MYZAP: variants seen among roughly 807,000 people sequenced by gnomAD.
The protein encoded by MYZAP is myocardial zonula adherens protein.
In MYZAP, 66 loss-of-function variants were observed where a neutral mutation model predicts 69.4. The ratio of observed to expected loss-of-function variants is 0.95; its 90% CI spans 0.78 to 1.17. The LOEUF is 1.17. MYZAP is among the 50% of genes most tolerant of loss of function. The probability of loss-of-function intolerance (pLI) is 0.00; values close to 1 mark genes in which losing one functional copy is unlikely to be tolerated. For synonymous variants in MYZAP, 256 were observed against 205.9 expected, an observed-to-expected ratio of 1.24 and a Z score of -2.09; for missense variants, 611 against 556.2, an observed-to-expected ratio of 1.10 and a Z score of -0.99.
rs114408606 is a variant in MYZAP, at chr15:57,632,579, C to T, written c.804+20C>T. On this transcript the variant is annotated intron_variant, in intron 7 of 12. Coordinates refer to ENST00000267853, the MANE Select transcript of MYZAP (RefSeq NM_001018100.5). ...CTTTTGGTGTGTGTGTTGTAGCTGC[C>T]GATGTAAACTTACCGGGAATTGTTG... The T allele has an allele frequency of 7.2e-4, 1,155 of 1,612,380 alleles. 9 individuals are homozygous for T. In the African/African-American group the frequency reaches 0.012, roughly 17 times the overall value.
Position 57,672,352 on chromosome 15 carries a change from C to T in MYZAP, c.1204-2616C>T, listed in dbSNP as rs181852842. 2.4e-3 allele frequency among the ~76,000 whole-genome samples: 367 copies of T among 152,320 alleles called. 7 individuals are homozygous for T. The highest frequency in any genetic ancestry group is 8.4e-3 in the African/African-American group (351 of 41,572). On this transcript the variant is annotated intron_variant, in intron 11 of 12. Coordinates refer to ENST00000267853, the MANE Select transcript of MYZAP (RefSeq NM_001018100.5). ...CAGCAAAAAGAAAAATAATAAAACACGGAGAATATAGAGAACTGCTTGCCA... is the reference window on the plus strand; with the variant it reads ...CAGCAAAAAGAAAAATAATAAAACATGGAGAATATAGAGAACTGCTTGCCA...
intron 11 of MYZAP, among the ~76,000 whole-genome samples, chr15:57,670,069 G>GA (rs1483880899): frequency 1.3e-5 from 2 of 151,966 alleles, no homozygotes; most frequent in African/African-American, 2.4e-5. Context: ...AAATTTTTGT[G>GA]AAAAAATATA....
chr15:57,609,877 T>G (rs2140353073), intron 2 of MYZAP, among the ~76,000 whole-genome samples: 1 of 152,326 alleles, frequency 6.6e-6, no homozygotes, highest in East Asian at 1.9e-4. Context: ...TTCAAAGAAC[T>G]CTCTGAATTT....
Position 57,621,640 on chromosome 15 carries a change from A to C in MYZAP, c.351A>C (p.Arg117=), listed in dbSNP as rs998772664. The change falls in exon 4 of 13, where the codon CGA becomes CGC. Residue 117 remains arginine (R), a synonymous_variant. Transcript: ENST00000267853. ...VRATLEKVRK[R]MYGDYDEMRQ... is the part of the protein sequence containing the mutation. ...CCACTTTGGAAAAGGTGAGAAAGCGAATGTATGGAGACTATGATGAGATGA... is the reference window on the plus strand; with the variant it reads ...CCACTTTGGAAAAGGTGAGAAAGCGCATGTATGGAGACTATGATGAGATGA... 3 of 1,613,924 alleles carry C rather than the reference A, an allele frequency of 1.9e-6. No individual in the cohort carries two copies. Among genetic ancestry groups the C allele is most frequent in the Admixed American group, 1.7e-5 (1 of 60,004 alleles).
intron 1 of MYZAP, among the ~76,000 whole-genome samples, chr15:57,593,613 ATATT>A (rs2033866909): frequency 6.6e-6 from 1 of 152,218 alleles, no homozygotes; most frequent in African/African-American, 2.4e-5. Flanking sequence ...TTCCTTTGGA[ATATT>A]TATTTAATTA....
chr15:57,670,013 T>C (rs1003707239), intron 11 of MYZAP, among the ~76,000 whole-genome samples: 3 of 152,166 alleles, frequency 2.0e-5, no homozygotes, highest in African/African-American at 7.2e-5. Context: ...GTTTTAACTT[T>C]TAATTTATTG....
chr15:57,679,882 G>A (rs1391548904), intron 12 of MYZAP, among the ~76,000 whole-genome samples: 3 of 152,152 alleles, frequency 2.0e-5, no homozygotes, highest in African/African-American at 2.4e-5. Context: ...CATACTTGCC[G>A]TTTCATGGCC....
At chr15:57,595,762 A>G (rs1343676318) in intron 1 of MYZAP, among the ~76,000 whole-genome samples, 1 of 152,278 alleles carries the variant, frequency 6.6e-6, no homozygotes, top group East Asian at 1.9e-4. Flanking sequence ...TGGCACAGAG[A>G]AAAAACAAAA....
At chr15:57,666,391 CTTCT>C (rs1409162276) in intron 11 of MYZAP, among the ~76,000 whole-genome samples, 1 of 152,160 alleles carries the variant, frequency 6.6e-6, no homozygotes, top group East Asian at 1.9e-4. Context: ...TAGAACCCTT[CTTCT>C]TTTCTTTTAA....
rs142243274 is a variant in MYZAP at position 57,666,625 on chromosome 15, AG to A, written c.1203+5096del. Reference sequence around the variant, plus strand: ...TGATGAGTGAGAACATGCGGTGTTCAGGGGACATAAACATGGGAACGATAAA... The same window carrying A: ...TGATGAGTGAGAACATGCGGTGTTCAGGGACATAAACATGGGAACGATAAA... On this transcript the variant is annotated intron_variant, in intron 11 of 12. Coordinates refer to ENST00000267853, the MANE Select transcript of MYZAP (RefSeq NM_001018100.5). Among the ~76,000 whole-genome samples the A allele has an allele frequency of 2.1e-3, 313 of 152,256 alleles. 1 individual carries two copies. Among genetic ancestry groups the A allele is most frequent in the African/African-American group, 7.3e-3 (302 of 41,548 alleles).
intron 1 of MYZAP, among the ~76,000 whole-genome samples, chr15:57,600,244 G>A (rs182021910): frequency 6.6e-6 from 1 of 152,260 alleles, no homozygotes; most frequent in African/African-American, 2.4e-5. Flanking sequence ...GTCCATCAGT[G>A]GGTCAGTGTT....
At chr15:57,593,190 A>ATGCGCGCGCGCGCGCGCGTGCG (rs376306761) in intron 1 of MYZAP, among the ~76,000 whole-genome samples, 1 of 108,256 alleles carries the variant, frequency 9.2e-6, no homozygotes, top group Non-Finnish European at 1.9e-5. Context: ...ACACAGGCGC[A>ATGCGCGCGCGCGCGCGCGTGCG]CACACACACA....
chr15:57,649,891 A>T (rs559319664), intron 10 of MYZAP, among the ~76,000 whole-genome samples: 1 of 152,178 alleles, frequency 6.6e-6, no homozygotes, highest in South Asian at 2.1e-4. Flanking sequence ...CATGCACTTT[A>T]TTTATCTGTT....
chr15:57,679,127 G>A (rs749851125), intron 12 of MYZAP, among the ~76,000 whole-genome samples: 5 of 152,082 alleles, frequency 3.3e-5, no homozygotes, highest in Non-Finnish European at 7.4e-5. Flanking sequence ...GTTGAGCTGA[G>A]ATCGCACCAT....
In MYZAP at chr15:57,616,822, CTTTTTT is replaced by C. The variant is rs763856721; in HGVS notation, c.163-1191_163-1186del. On this transcript the variant is annotated intron_variant, in intron 2 of 12. Transcript: ENST00000267853. ...GAGACTCCATCTAAAAAAAAAAGTG[CTTTTTT>C]TTTTTTTTTTTTTTTTTTTGTGAAT... Among the ~76,000 whole-genome samples the C allele has an allele frequency of 3.8e-3, 188 of 50,050 alleles. 1 individual carries two copies. The South Asian group carries it at 0.045, about 12-fold the overall frequency. The allele number at this position is 50,050 out of a possible 152,430, so 32.8% of individuals were successfully genotyped here.
intron 8 of MYZAP, among the ~76,000 whole-genome samples, chr15:57,637,256 A>G (rs1339559907): frequency 1.3e-5 from 2 of 152,218 alleles, no homozygotes; most frequent in Non-Finnish European, 2.9e-5. Flanking sequence ...TGACCACAAC[A>G]TATTTTTACA....
intron 10 of MYZAP, among the ~76,000 whole-genome samples, chr15:57,650,350 A>G (rs2140503983): frequency 6.6e-6 from 1 of 152,296 alleles, no homozygotes; most frequent in Non-Finnish European, 1.5e-5. Flanking sequence ...TACACGTTTA[A>G]GAAGAGCCTC....
At chr15:57,637,591 G>C in intron 8 of MYZAP, 104 bp from the exon 9 acceptor site, 1 of 1,253,338 alleles carries the variant, frequency 8.0e-7, no homozygotes. Flanking sequence ...AAACCCAGGG[G>C]GTGTCATATA....
At chr15:57,649,671 TTATAATA>T (rs2037629755) in intron 10 of MYZAP, among the ~76,000 whole-genome samples, 1 of 152,196 alleles carries the variant, frequency 6.6e-6, no homozygotes, top group African/African-American at 2.4e-5. Flanking sequence ...GTGATATCTT[TTATAATA>T]TATAAGTTTT....
Sources: allele counts gnomAD v4.1 joint callset (sites outside exome capture counted in the v4.1 genomes callset), GRCh38; gene constraint gnomAD v4.1.1; transcripts MANE v1.5; gene names NCBI Gene and HGNC (gene_info 2026-07-23, HGNC 2026-07-21).